TMEM183A: variants seen among roughly 807,000 people sequenced by gnomAD.
TMEM183A encodes the protein transmembrane protein 183A.
A neutral mutation model predicts 46.7 loss-of-function variants in TMEM183A; 21 were observed. That is an observed-to-expected ratio of 0.45 (90% CI 0.32 to 0.65). The LOEUF is 0.65. Ranked by LOEUF, TMEM183A falls within the 30% of genes least tolerant of loss-of-function variation. TMEM183A has a pLI of 0.04. For synonymous variants in TMEM183A, 165 were observed against 180.2 expected (o/e 0.92, Z 0.68); for missense variants, 331 against 481.9 (o/e 0.69, Z 2.93).
intron 2 of TMEM183A, among the ~76,000 whole-genome samples, chr1:203,008,121 C>T (rs915374979): frequency 6.6e-6 from 1 of 152,162 alleles, no homozygotes; most frequent in Admixed American, 6.5e-5. Flanking sequence ...GGTTATTAAT[C>T]TCTTTGCTGT....
In TMEM183A at chr1:203,017,636, G is replaced by A. The variant is rs992220015; in HGVS notation, c.709-845G>A. On this transcript the variant is annotated intron_variant, in intron 5 of 7. Transcript: ENST00000367242. The stretch of plus-strand genomic sequence containing the variant: ...TGGCAGATATCCCGTGCATGGCCTT[G>A]CCACTTGTATACCCATGATTGCGTG... The A allele has an allele frequency of 1.8e-5, 12 of 661,668 alleles. No individual in the cohort carries two copies. In the African/African-American group the frequency reaches 2.4e-4, roughly 13 times the overall value. 41.0% of individuals were successfully genotyped at this position (661,668 alleles called of 1,614,324 possible). A position where few individuals can be genotyped will look rare whatever the true frequency, so the allele number is the denominator to read the frequency against.
At chr1:203,020,979 C>CT in intron 7 of TMEM183A, 31 bp downstream of exon 7, 1 of 1,359,838 alleles carries the variant, frequency 7.4e-7, no homozygotes, top group Non-Finnish European at 9.6e-7. Context: ...TCATTCTCAG[C>CT]TCCTTTTTTT....
chr1:203,019,496 AATT>A (rs1657466121), intron 6 of TMEM183A, among the ~76,000 whole-genome samples: 1 of 152,238 alleles, frequency 6.6e-6, no homozygotes, highest in African/African-American at 2.4e-5. Context: ...GTGTATGCTG[AATT>A]ATTTAAGATT....
intron 1 of TMEM183A, 60 bp from the exon 2 acceptor site, chr1:203,007,714 T>G: frequency 1.2e-6 from 2 of 1,602,396 alleles, no homozygotes; most frequent in Admixed American, 3.4e-5. Flanking sequence ...GAGGAGGTGT[T>G]GGCGGGGAAG....
Position 203,024,437 on chromosome 1 carries a change from TC to T in TMEM183A, c.*1398del, listed in dbSNP as rs1251534651. On this transcript the variant is annotated 3_prime_UTR_variant, in exon 8 of 8. Transcript: ENST00000367242. ...CAGGAGGTGGGCATTAAGACAGTAT[TC>T]TTTAAAAGTGAAAATCTTGTGAGGC... 1.3e-5 allele frequency: 2 copies of T among 152,086 alleles called. No individual in the cohort carries two copies. The highest frequency in any genetic ancestry group is 2.9e-5 in the Non-Finnish European group (2 of 68,026). 9.4% of individuals were successfully genotyped at this position (152,086 alleles called of 1,614,324 possible). A position where few individuals can be genotyped will look rare whatever the true frequency, so the allele number is the denominator to read the frequency against.
intron 6 of TMEM183A, among the ~76,000 whole-genome samples, chr1:203,020,501 C>T (rs1657559841): frequency 6.6e-6 from 1 of 152,178 alleles, no homozygotes; most frequent in African/African-American, 2.4e-5. Context: ...TGCAGTCTTT[C>T]AAACATTGTA....
At chr1:203,021,126 G>A (rs920063078) in intron 7 of TMEM183A, among the ~76,000 whole-genome samples, 178 bp downstream of exon 7, 6 of 148,826 alleles carry the variant, frequency 4.0e-5, no homozygotes, top group Non-Finnish European at 7.4e-5. Context: ...CAAAACTCCT[G>A]GGCTTAAGCT....
Position 203,007,879 on chromosome 1 carries a change from G to A in TMEM183A, c.199+16G>A, listed in dbSNP as rs566698212. On this transcript the variant is annotated intron_variant, in intron 2 of 7. Coordinates refer to ENST00000367242, the MANE Select transcript of TMEM183A (RefSeq NM_138391.6). ...CAGCAGGAAGGTAAGCTTTGCGCGA[G>A]CCTTTAAAGACTCATGCCGCGAAGA... 1.4e-5 allele frequency: 23 copies of A among 1,614,024 alleles called. No homozygotes were observed. The East Asian group carries it at 4.7e-4, about 33-fold the overall frequency.
At chr1:203,014,834 G>T in intron 3 of TMEM183A, 55 bp from the exon 4 acceptor site, 1 of 1,589,308 alleles carries the variant, frequency 6.3e-7, no homozygotes, top group Admixed American at 1.7e-5. Context: ...TGAAATTATC[G>T]AGTATCTTTA....
chr1:203,022,725 T>C, intron 7 of TMEM183A, 130 bp from the exon 8 acceptor site: 1 of 1,299,480 alleles, frequency 7.7e-7, no homozygotes, highest in South Asian at 1.5e-5. Context: ...AAAAGGTGTT[T>C]GTTTTATAAT....
chr1:203,008,453 CTTTTTTTT>C (rs35395088), intron 2 of TMEM183A, among the ~76,000 whole-genome samples, 182 bp from the exon 3 acceptor site: 1 of 106,116 alleles, frequency 9.4e-6, no homozygotes, highest in African/African-American at 3.3e-5. Flanking sequence ...CATTGCTTTC[CTTTTTTTT>C]TTTTTTTTTT....
intron 3 of TMEM183A, among the ~76,000 whole-genome samples, chr1:203,011,866 G>C (rs892318013): frequency 1.9e-5 from 1 of 52,666 alleles, no homozygotes; most frequent in African/African-American, 7.5e-5. Context: ...CCATCAGACT[G>C]GTCTTTTTTT....
rs7533550 is a variant in TMEM183A at position 203,021,323 on chromosome 1, A to G, written c.945+375A>G. On this transcript the variant is annotated intron_variant, in intron 7 of 7. Coordinates refer to ENST00000367242, the MANE Select transcript of TMEM183A (RefSeq NM_138391.6). Reference sequence around the variant, plus strand: ...TGAGATTATAAGTGTGAGCCACTGCATTCAGCTTTTTTATAGATTTTTGCT... The same window carrying G: ...TGAGATTATAAGTGTGAGCCACTGCGTTCAGCTTTTTTATAGATTTTTGCT... Among the ~76,000 whole-genome samples, 1,136 of 152,196 alleles carry G rather than the reference A, an allele frequency of 7.5e-3. 21 individuals are homozygous for G. Among genetic ancestry groups the G allele is most frequent in the African/African-American group, 0.026 (1,098 of 41,524 alleles).
chr1:203,015,863 G>A (rs1657117732), intron 4 of TMEM183A, 97 bp from the exon 5 acceptor site: 3 of 1,460,582 alleles, frequency 2.1e-6, no homozygotes, highest in East Asian at 4.6e-5. Context: ...GTGGAATAGT[G>A]CAGTAAAGTT....
At position 203,015,058 on chromosome 1, in the gene TMEM183A, C is replaced by CAG. The variant is rs780313585; in HGVS notation, c.527+15_527+16dup. On this transcript the variant is annotated intron_variant, in intron 4 of 7. Coordinates refer to ENST00000367242, the MANE Select transcript of TMEM183A (RefSeq NM_138391.6). ...CCAGGTTGTACCGAAGGTGCGACCACAGAGAGCTCACTCTTTTATCTGTGT... is the reference window on the plus strand; with the variant it reads ...CCAGGTTGTACCGAAGGTGCGACCACAGAGAGAGCTCACTCTTTTATCTGTGT... The CAG allele has an allele frequency of 1.2e-6, 2 of 1,604,132 alleles. No homozygotes were observed. The highest frequency in any genetic ancestry group is 2.7e-5 in the African/African-American group (2 of 74,866).
intron 6 of TMEM183A, 81 bp downstream of exon 6, chr1:203,018,642 T>C (rs782788): frequency 0.37 from 546,467 of 1,470,252 alleles, 104,752 homozygotes; most frequent in African/African-American, 0.5. Context: ...TCTGTTTGTG[T>C]TGCTATAACA....
rs766794866 is a variant in TMEM183A, at chr1:203,015,932, T to C, written c.528-28T>C. 1.6e-5 allele frequency: 25 copies of C among 1,606,706 alleles called. 1 individual carries two copies. The South Asian group carries it at 2.8e-4, about 18-fold the overall frequency. ...TAGAGCAGGAGAGACAGGTCACATA[T>C]TGGTAGGAGTAATGTGTCATGTTTC... On this transcript the variant is annotated intron_variant, in intron 4 of 7. Transcript: ENST00000367242.
intron 3 of TMEM183A, among the ~76,000 whole-genome samples, chr1:203,011,346 T>A (rs1656562005): frequency 6.6e-6 from 1 of 152,228 alleles, no homozygotes; most frequent in African/African-American, 2.4e-5. Flanking sequence ...TGGTTTTGAT[T>A]TGCATTTCCC....
intron 5 of TMEM183A, 72 bp from the exon 6 acceptor site, chr1:203,018,408 AT>A: frequency 6.6e-7 from 1 of 1,524,736 alleles, no homozygotes; most frequent in East Asian, 2.3e-5. Context: ...TTTGGTGATT[AT>A]TTTGGTTGTA....
Sources: gnomAD v4.1 joint callset for allele counts (sites outside exome capture counted in the v4.1 genomes callset) on GRCh38, gnomAD v4.1.1 for gene constraint, MANE v1.5 for transcripts, NCBI Gene and HGNC (gene_info 2026-07-23, HGNC 2026-07-21) for gene names.